The following PHF13 variants were observed in gnomAD, a reference collection of about 807,000 sequenced individuals.
PHF13 encodes PHD zinc finger protein PHF5.
A neutral mutation model predicts 25.8 loss-of-function variants in PHF13; 1 was observed. The observed-to-expected ratio is 0.04, with a 90% CI of 0.01 to 0.18. The LOEUF is 0.18. PHF13 is among the 10% of genes least tolerant of loss of function. The pLI is 1.00. For missense variants in PHF13, 306 were observed against 403.2 expected (o/e 0.76, Z 2.06); for synonymous variants, 195 against 162.4 (o/e 1.20, Z -1.53).
chr1:6,620,863 CAAAAA>C (rs761571305), intron 3 of PHF13, among the ~76,000 whole-genome samples: 1 of 137,744 alleles, frequency 7.3e-6, no homozygotes, highest in African/African-American at 2.7e-5. Flanking sequence ...ACTAAAGATA[CAAAAA>C]AAAAAAAGAA....
chr1:6,614,693 C>T (rs539795042), intron 1 of PHF13: 1 of 151,024 alleles, frequency 6.6e-6, no homozygotes, highest in Admixed American at 6.6e-5. Context: ...TCTGGGGACC[C>T]GAGTCCTGCC....
chr1:6,622,339 A>G lies in PHF13; in HGVS notation c.*702A>G, dbSNP rs1198341406. 6.5e-6 allele frequency: 1 copy of G among 154,376 alleles called. No homozygotes were observed. Among genetic ancestry groups the G allele is most frequent in the African/African-American group, 2.4e-5 (1 of 41,394 alleles). 9.6% of individuals were successfully genotyped at this position (154,376 alleles called of 1,614,324 possible). The stretch of plus-strand genomic sequence containing the variant: ...TTGAGATGGCCCGTGTTCATAACTC[A>G]GTTTCCTGTTTTGCACGATGTAAAA... On this transcript the variant is annotated 3_prime_UTR_variant, in exon 4 of 4. Transcript: ENST00000377648.
At chr1:6,614,330 CCCCGCGCCCTT>C (rs1641220110) in intron 1 of PHF13, 6 of 526,094 alleles carry the variant, frequency 1.1e-5, no homozygotes, top group Non-Finnish European at 2.0e-5. Flanking sequence ...TCCGCGTCCT[CCCCGCGCCCTT>C]TCCCCAGGGC....
Position 6,614,037 on chromosome 1 carries a change from TCGCAGC to T in PHF13, c.-26_-21del. ...CTCCAGCATCCCAGCTCCTGCACTCTCGCAGCCGCCGCCGCCCCCCGCCCGGAACAT... is the reference window on the plus strand; with the variant it reads ...CTCCAGCATCCCAGCTCCTGCACTCTCGCCGCCGCCCCCCGCCCGGAACAT... On this transcript the variant is annotated 5_prime_UTR_variant, in exon 1 of 4. Coordinates refer to ENST00000377648, the MANE Select transcript of PHF13 (RefSeq NM_153812.3). 6.6e-7 allele frequency: 1 copy of T among 1,518,542 alleles called. No homozygotes were observed. Among genetic ancestry groups the T allele is most frequent in the Non-Finnish European group, 8.9e-7 (1 of 1,129,026 alleles). The allele number at this position is 1,518,542 out of a possible 1,614,324, so 94.1% of individuals were successfully genotyped here.
chr1:6,613,895 T>C lies in PHF13; in HGVS notation c.-172T>C. 1.9e-6 allele frequency: 1 copy of C among 515,780 alleles called. No homozygotes were observed. The highest frequency in any genetic ancestry group is 2.4e-5 in the South Asian group (1 of 41,994). The allele number at this position is 515,780 out of a possible 1,614,324, so 32.0% of individuals were successfully genotyped here. ...CGGCGGTGGAACCGCCAGTCCGGGG[T>C]CACAGAGCTTGAGAAGCGACGCGCT... On this transcript the variant is annotated 5_prime_UTR_variant, in exon 1 of 4. Coordinates refer to ENST00000377648, the MANE Select transcript of PHF13 (RefSeq NM_153812.3).
intron 2 of PHF13, among the ~76,000 whole-genome samples, chr1:6,619,189 CAG>C (rs1029919702): frequency 1.2e-4 from 18 of 152,310 alleles, no homozygotes; most frequent in Middle Eastern, 3.4e-3. Flanking sequence ...GTTTTACAAT[CAG>C]GGAACAATGA....
chr1:6,616,607 A>G (rs1301699350), intron 1 of PHF13, 150 bp from the exon 2 acceptor site: 1 of 653,586 alleles, frequency 1.5e-6, no homozygotes, highest in Non-Finnish European at 2.8e-6. Context: ...CTTGACCTGA[A>G]CTTACCGTAT....
chr1:6,620,358 G>A (rs750337871), intron 3 of PHF13, 21 bp downstream of exon 3: 1 of 1,600,318 alleles, frequency 6.2e-7, no homozygotes, highest in East Asian at 2.2e-5. Context: ...CCTGAAGGAT[G>A]ATGACCCTTG....
Position 6,620,144 on chromosome 1 carries a change from C to T in PHF13, c.483C>T (p.Pro161=). ...CGAGTCCCACCTTGCAGGATATCCC[C>T]CAGGCTCCCAGCGACCCCTGCTCGG... The part of the protein sequence containing the change: ...TPTSPTLQDI[P]QAPSDPCSGW... Residue 161 remains proline (P), a synonymous_variant, in exon 3 of 4, where the codon CCC becomes CCT. Coordinates refer to ENST00000377648, the MANE Select transcript of PHF13 (RefSeq NM_153812.3). The T allele has an allele frequency of 6.2e-7, 1 of 1,613,820 alleles. No homozygotes were observed. The highest frequency in any genetic ancestry group is 8.5e-7 in the Non-Finnish European group (1 of 1,180,046).
At chr1:6,615,793 C>T (rs1200391124) in intron 1 of PHF13, among the ~76,000 whole-genome samples, 1 of 152,100 alleles carries the variant, frequency 6.6e-6, no homozygotes, top group Non-Finnish European at 1.5e-5. Flanking sequence ...CTGGGACCCG[C>T]GAGCAAAAAC....
At chr1:6,617,967 C>T (rs935485205) in intron 2 of PHF13, among the ~76,000 whole-genome samples, 2 of 152,196 alleles carry the variant, frequency 1.3e-5, no homozygotes, top group Non-Finnish European at 2.9e-5. Context: ...TCTCAGCTCC[C>T]TGGCTGCCCG....
In PHF13 at chr1:6,613,891, G is replaced by T; in HGVS notation, c.-176G>T. 1.9e-6 allele frequency: 1 copy of T among 521,584 alleles called. No individual in the cohort carries two copies. 32.3% of individuals were successfully genotyped at this position (521,584 alleles called of 1,614,324 possible). On this transcript the variant is annotated 5_prime_UTR_variant, in exon 1 of 4. Transcript: ENST00000377648. ...CGGTCGGCGGTGGAACCGCCAGTCC[G>T]GGGTCACAGAGCTTGAGAAGCGACG...
Position 6,614,000 on chromosome 1 carries a change from C to A in PHF13, c.-67C>A. On this transcript the variant is annotated 5_prime_UTR_variant, in exon 1 of 4. Transcript: ENST00000377648. ...GCGCAGCCGCCCGAGCCCCCAGCCC[C>A]GGGCGGCCCCGCTCCAGCATCCCAG... The A allele has an allele frequency of 7.6e-7, 1 of 1,312,864 alleles. No homozygotes were observed. Among genetic ancestry groups the A allele is most frequent in the East Asian group, 2.7e-5 (1 of 37,160 alleles). The allele number at this position is 1,312,864 out of a possible 1,614,324, so 81.3% of individuals were successfully genotyped here.
chr1:6,617,366 G>A (rs931679986), intron 2 of PHF13, among the ~76,000 whole-genome samples: 2 of 151,752 alleles, frequency 1.3e-5, no homozygotes, highest in Non-Finnish European at 2.9e-5. Context: ...GATTACAGGC[G>A]TGAGCTACCG....
intron 2 of PHF13, among the ~76,000 whole-genome samples, chr1:6,619,243 A>G (rs1382332924): frequency 6.6e-6 from 1 of 152,050 alleles, no homozygotes; most frequent in Non-Finnish European, 1.5e-5. Context: ...TCCCACAGAC[A>G]CCTGTTGCAC....
rs1284467535 is a variant in PHF13, at chr1:6,620,074, G to A, written c.413G>A (p.Gly138Asp). The A allele has an allele frequency of 1.9e-6, 3 of 1,613,394 alleles. No individual in the cohort carries two copies. The highest frequency in any genetic ancestry group is 1.6e-4 in the Middle Eastern group (1 of 6,084). Residue 138 changes from glycine (G) to aspartate (D), a missense_variant, in exon 3 of 4, where the codon GGC becomes GAC. Coordinates refer to ENST00000377648, the MANE Select transcript of PHF13 (RefSeq NM_153812.3). ...CCTGGGAAAGAGGGGTACAGGGGGG[G>A]CTTGCTGAAGCTGGAAGCCGCTGAC... ...DAPGKEGYRG[G>D]LLKLEAADPY... is the part of the protein sequence containing the mutation.
chr1:6,618,792 C>T (rs1045264906), intron 2 of PHF13, among the ~76,000 whole-genome samples: 14 of 151,976 alleles, frequency 9.2e-5, no homozygotes, highest in African/African-American at 3.1e-4. Context: ...TTACAGGTGT[C>T]AGCCATCATG....
At position 6,616,792 on chromosome 1, in the gene PHF13, G is replaced by A; in HGVS notation, c.75G>A (p.Val25=). The change falls in exon 2 of 4, where the codon GTG becomes GTA. Residue 25 remains valine, a synonymous_variant. Coordinates refer to ENST00000377648, the MANE Select transcript of PHF13 (RefSeq NM_153812.3). ...YSPSCKRRRT[V]EDFNKFCTFV... ...CCAGTTGCAAGAGGCGCAGGACCGTGGAAGACTTCAACAAATTCTGCACCT... is the reference window on the plus strand; with the variant it reads ...CCAGTTGCAAGAGGCGCAGGACCGTAGAAGACTTCAACAAATTCTGCACCT... 1 of 1,614,162 alleles carries A rather than the reference G, an allele frequency of 6.2e-7. No individual in the cohort carries two copies. Among genetic ancestry groups the A allele is most frequent in the East Asian group, 2.2e-5 (1 of 44,892 alleles).
chr1:6,618,140 G>C (rs1268987891), intron 2 of PHF13, among the ~76,000 whole-genome samples: 1 of 151,506 alleles, frequency 6.6e-6, no homozygotes, highest in Non-Finnish European at 1.5e-5. Context: ...GAACAATCCA[G>C]CTTTTTTTTT....
Sources: allele counts gnomAD v4.1 joint callset (sites outside exome capture counted in the v4.1 genomes callset), GRCh38; gene constraint gnomAD v4.1.1; transcripts MANE v1.5; gene names NCBI Gene and HGNC (gene_info 2026-07-23, HGNC 2026-07-21).